TEX9: variants seen among roughly 807,000 people sequenced by gnomAD.
The protein encoded by TEX9 is testis expressed 9, also known as testis-expressed protein 9.
TEX9 carries 74 observed loss-of-function variants against 59.6 expected under a neutral mutation model. The ratio of observed to expected loss-of-function variants is 1.24; its 90% CI spans 1.03 to 1.51. The LOEUF (loss-of-function observed/expected upper bound fraction) is 1.51. Ranked by LOEUF, TEX9 falls within the 40% of genes most tolerant of loss-of-function variation. The pLI, the probability that TEX9 is intolerant of heterozygous loss-of-function variation, is 0.00. For synonymous variants in TEX9, 186 were observed against 152.2 expected, an observed-to-expected ratio of 1.22 and a Z score of -1.64; for missense variants, 522 against 447.8, an observed-to-expected ratio of 1.17 and a Z score of -1.49.
chr15:56,246,653 A>G (rs1399458213), intron 1 of TEX9, among the ~76,000 whole-genome samples: 1 of 152,222 alleles, frequency 6.6e-6, no homozygotes, highest in Non-Finnish European at 1.5e-5. Flanking sequence ...TTCTCTGAGC[A>G]TCATTTTGAC....
intron 1 of TEX9, among the ~76,000 whole-genome samples, chr15:56,350,597 C>T (rs928618676): frequency 6.6e-6 from 1 of 152,178 alleles, no homozygotes; most frequent in African/African-American, 2.4e-5. Flanking sequence ...GCCTTGTGAC[C>T]TGGTGAGTCT....
intron 1 of TEX9, among the ~76,000 whole-genome samples, chr15:56,245,154 G>A (rs1304629880): frequency 6.6e-6 from 1 of 152,192 alleles, no homozygotes; most frequent in Admixed American, 6.5e-5. Context: ...AGTGGATGGT[G>A]AATCTGATTG....
chr15:56,256,678 A>G (rs1288233165), intron 1 of TEX9, among the ~76,000 whole-genome samples: 1 of 152,086 alleles, frequency 6.6e-6, no homozygotes, highest in African/African-American at 2.4e-5. Flanking sequence ...TATCAGCATT[A>G]GAAATTAGAA....
intron 1 of TEX9, among the ~76,000 whole-genome samples, chr15:56,338,142 G>A (rs940717583): frequency 1.1e-4 from 17 of 152,200 alleles, no homozygotes; most frequent in Admixed American, 9.8e-4. Flanking sequence ...TCTTATCAGT[G>A]TGTCCCTTTT....
In TEX9 at chr15:56,357,591, A is replaced by G. The variant is rs557563058; in HGVS notation, c.-106-15850A>G. On this transcript the variant is annotated intron_variant, in intron 1 of 5. Transcript: ENST00000560827. ...TTATATGTCAGATCTTTTCAGTCTA[A>G]CTTCAGTACTGTTTAACCATTCTCT... Among the ~76,000 whole-genome samples, 49 of 152,260 alleles carry G rather than the reference A, an allele frequency of 3.2e-4. No individual in the cohort carries two copies. The Middle Eastern group carries it at 0.014, about 43-fold the overall frequency.
intron 1 of TEX9, among the ~76,000 whole-genome samples, chr15:56,254,018 T>G (rs1275748213): frequency 6.6e-6 from 1 of 152,106 alleles, no homozygotes; most frequent in Admixed American, 6.6e-5. Flanking sequence ...AAATTACATT[T>G]AATGGTGTTT....
intron 1 of TEX9, among the ~76,000 whole-genome samples, chr15:56,284,571 A>G (rs924721349): frequency 5.3e-5 from 8 of 152,136 alleles, no homozygotes; most frequent in African/African-American, 9.7e-5. Flanking sequence ...AAGGAAATAT[A>G]TAGGAATGAG....
At chr15:56,268,279 AT>A (rs2141377507) in intron 1 of TEX9, among the ~76,000 whole-genome samples, 1 of 152,298 alleles carries the variant, frequency 6.6e-6, no homozygotes, top group Non-Finnish European at 1.5e-5. Context: ...AACAGGGACA[AT>A]TTGACTTCCT....
Position 56,358,303 on chromosome 15 carries a change from C to G in TEX9, c.-106-15138C>G, listed in dbSNP as rs991458330. 1.3e-4 allele frequency among the ~76,000 whole-genome samples: 19 copies of G among 150,826 alleles called. 1 individual carries two copies. Among genetic ancestry groups the G allele is most frequent in the African/African-American group, 4.1e-4 (17 of 41,048 alleles). ...ATGTCAGGAGGACACATGGAAATTT[C>G]TCCTACTTTCTTCAAGTTCAGTAAT... On this transcript the variant is annotated intron_variant, in intron 1 of 5. Transcript: ENST00000560827.
intron 1 of TEX9, among the ~76,000 whole-genome samples, chr15:56,330,484 A>G (rs566767972): frequency 6.6e-6 from 1 of 152,320 alleles, no homozygotes; most frequent in Non-Finnish European, 1.5e-5. Context: ...TTCAAGACAT[A>G]GTATAATAAG....
chr15:56,278,189 A>G (rs1382143018), intron 1 of TEX9, among the ~76,000 whole-genome samples: 1 of 152,136 alleles, frequency 6.6e-6, no homozygotes, highest in Non-Finnish European at 1.5e-5. Context: ...TATCTATAGC[A>G]TTTGTGGGTC....
At chr15:56,345,766 G>A (rs1412958180) in intron 1 of TEX9, among the ~76,000 whole-genome samples, 1 of 152,190 alleles carries the variant, frequency 6.6e-6, no homozygotes, top group African/African-American at 2.4e-5. Context: ...GTCATGAAAG[G>A]CCCAAGCACA....
At chr15:56,403,385 C>G (rs1433714221) in intron 9 of TEX9, among the ~76,000 whole-genome samples, 1 of 152,166 alleles carries the variant, frequency 6.6e-6, no homozygotes, top group Non-Finnish European at 1.5e-5. Flanking sequence ...TTCACAATTG[C>G]TACAAAGAGA....
intron 10 of TEX9, among the ~76,000 whole-genome samples, chr15:56,425,603 A>G (rs981171987): frequency 6.6e-6 from 1 of 152,224 alleles, no homozygotes; most frequent in East Asian, 1.9e-4. Flanking sequence ...TTATTAATAT[A>G]TAGGTACCCT....
chr15:56,459,739 G>A, the TEX9 span, among the ~76,000 whole-genome samples: 5 of 151,502 alleles, frequency 3.3e-5, no homozygotes, highest in East Asian at 9.7e-4. Context: ...ATCCACTTTG[G>A]GAGCACTTTG....
chr15:56,298,169 A>G (rs2045260681), intron 1 of TEX9, among the ~76,000 whole-genome samples: 1 of 152,234 alleles, frequency 6.6e-6, no homozygotes, highest in African/African-American at 2.4e-5. Flanking sequence ...ACAAAAAAGT[A>G]TTTGAGACAG....
chr15:56,370,380 CT>C (rs1463918718), intron 2 of TEX9, among the ~76,000 whole-genome samples: 1 of 152,050 alleles, frequency 6.6e-6, no homozygotes, highest in Non-Finnish European at 1.5e-5. Flanking sequence ...CTTCATAATT[CT>C]TTTTTTCCAG....
chr15:56,286,427 G>T (rs78134571), intron 1 of TEX9, among the ~76,000 whole-genome samples: 2 of 152,094 alleles, frequency 1.3e-5, no homozygotes, highest in African/African-American at 4.8e-5. Flanking sequence ...CCACTAGGGC[G>T]GCAGCAGAGA....
At chr15:56,383,931 A>G in intron 3 of TEX9, 21 bp from the exon 4 acceptor site, 1 of 1,579,928 alleles carries the variant, frequency 6.3e-7, no homozygotes, top group Non-Finnish European at 8.6e-7. Flanking sequence ...ATGATATATT[A>G]CCTATCTTTA....
Sources: gnomAD v4.1 joint callset for allele counts (sites outside exome capture counted in the v4.1 genomes callset) on GRCh38, gnomAD v4.1.1 for gene constraint, MANE v1.5 for transcripts, NCBI Gene and HGNC (gene_info 2026-07-23, HGNC 2026-07-21) for gene names.